MPPED2: variants seen among roughly 807,000 people sequenced by gnomAD.
MPPED2 encodes the protein metallophosphoesterase MPPED2.
MPPED2 carries 5 observed loss-of-function variants against 33.0 expected under a neutral mutation model. That is an observed-to-expected ratio of 0.15 (90% CI 0.08 to 0.32). The LOEUF is 0.32. Among genes scored for constraint, MPPED2 ranks in the 10% least tolerant of loss-of-function variants. The pLI, the probability that MPPED2 is intolerant of heterozygous loss-of-function variation, is 1.00. For synonymous variants in MPPED2, 136 were observed against 141.9 expected (o/e 0.96, Z 0.29); for missense variants, 275 against 372.1 (o/e 0.74, Z 2.15).
At chr11:30,551,893 A>C (rs1242362039) in intron 2 of MPPED2, among the ~76,000 whole-genome samples, 1 of 152,214 alleles carries the variant, frequency 6.6e-6, no homozygotes, top group African/African-American at 2.4e-5. Context: ...ATGAGAATGC[A>C]CTGAGCACGG....
intron 4 of MPPED2, among the ~76,000 whole-genome samples, chr11:30,459,533 A>T (rs1341322730): frequency 2.6e-5 from 4 of 152,350 alleles, no homozygotes; most frequent in African/African-American, 7.2e-5. Flanking sequence ...ACTTCACAAG[A>T]TGAAAGCCAT....
intron 4 of MPPED2, among the ~76,000 whole-genome samples, chr11:30,482,285 A>T (rs1951525895): frequency 6.6e-6 from 1 of 152,192 alleles, no homozygotes; most frequent in Non-Finnish European, 1.5e-5. Context: ...CCATCTGTAC[A>T]TTTTTGGTGA....
At position 30,536,154 on chromosome 11, in the gene MPPED2, G is replaced by C; in HGVS notation, c.150C>G (p.Asp50Glu). The change falls in exon 3 of 7, where the codon GAC becomes GAG. Residue 50 changes from aspartate (D) to glutamate (E), a missense_variant. Coordinates refer to ENST00000358117, the MANE Select transcript of MPPED2 (RefSeq NM_001584.3). Reference sequence around the variant, plus strand: ...GCGTGTGGCCCGCTGGTTTTGGAGTGTCATATGGGATGGGGTCGACCCTAA... The same window carrying C: ...GCGTGTGGCCCGCTGGTTTTGGAGTCTCATATGGGATGGGGTCGACCCTAA... ...HVHMVDPIPY[D>E]TPKPAGHTRF... 1 of 1,608,868 alleles carries C rather than the reference G, an allele frequency of 6.2e-7. No homozygotes were observed. The highest frequency in any genetic ancestry group is 8.5e-7 in the Non-Finnish European group (1 of 1,177,904).
chr11:30,551,730 A>T (rs1415390922), intron 2 of MPPED2, among the ~76,000 whole-genome samples: 5 of 152,218 alleles, frequency 3.3e-5, no homozygotes, highest in Non-Finnish European at 7.3e-5. Flanking sequence ...TGAGCATAGT[A>T]AGTTCTAGAG....
At chr11:30,481,358 A>G (rs1012057073) in intron 4 of MPPED2, among the ~76,000 whole-genome samples, 1 of 152,124 alleles carries the variant, frequency 6.6e-6, no homozygotes, top group Non-Finnish European at 1.5e-5. Context: ...GTCTTTTCAA[A>G]CAGTATTTTC....
intron 4 of MPPED2, among the ~76,000 whole-genome samples, chr11:30,492,737 G>T (rs369379263): frequency 2.0e-5 from 3 of 152,016 alleles, no homozygotes; most frequent in Admixed American, 6.5e-5. Flanking sequence ...GTATAAACTG[G>T]ATCTGAGGAT....
At chr11:30,506,262 C>T (rs1388959480) in intron 3 of MPPED2, among the ~76,000 whole-genome samples, 1 of 152,050 alleles carries the variant, frequency 6.6e-6, no homozygotes, top group African/African-American at 2.4e-5. Context: ...TGGTTTCAAA[C>T]TCCTGACCTC....
At chr11:30,546,157 C>T (rs1955415095) in intron 2 of MPPED2, among the ~76,000 whole-genome samples, 1 of 152,106 alleles carries the variant, frequency 6.6e-6, no homozygotes, top group Non-Finnish European at 1.5e-5. Context: ...TCAATTCAAC[C>T]CAAAGTTCGG....
chr11:30,556,335 T>C (rs946469448), intron 2 of MPPED2, among the ~76,000 whole-genome samples: 2 of 152,106 alleles, frequency 1.3e-5, no homozygotes, highest in African/African-American at 4.8e-5. Flanking sequence ...CTCCAAACAA[T>C]GAATTCCTCC....
chr11:30,448,965 T>C (rs1949933733), intron 4 of MPPED2, among the ~76,000 whole-genome samples: 1 of 152,316 alleles, frequency 6.6e-6, no homozygotes, highest in Admixed American at 6.5e-5. Context: ...CTCCCCACTA[T>C]TTTTAACCAC....
intron 3 of MPPED2, among the ~76,000 whole-genome samples, chr11:30,515,826 A>G (rs1953503164): frequency 6.6e-6 from 1 of 152,226 alleles, no homozygotes; most frequent in Non-Finnish European, 1.5e-5. Flanking sequence ...TAATGTGAAG[A>G]AAACTTTAAA....
In MPPED2 at chr11:30,441,696, C is replaced by T. The variant is rs183672704; in HGVS notation, c.537-24063G>A. Among the ~76,000 whole-genome samples the T allele has an allele frequency of 1.8e-3, 277 of 152,274 alleles. 1 individual carries two copies. Among genetic ancestry groups the T allele is most frequent in the African/African-American group, 6.3e-3 (263 of 41,556 alleles). On this transcript the variant is annotated intron_variant, in intron 4 of 6. Coordinates refer to ENST00000358117, the MANE Select transcript of MPPED2 (RefSeq NM_001584.3). ...AAAGTAGGAAACATTTCTAAAGCTT[C>T]GGCCTCAGCTTTTCCAGCATGACAG...
chr11:30,549,779 G>T (rs1955610920), intron 2 of MPPED2, among the ~76,000 whole-genome samples: 1 of 152,120 alleles, frequency 6.6e-6, no homozygotes, highest in Non-Finnish European at 1.5e-5. Flanking sequence ...TCCTCATGAA[G>T]AGGTGCACAC....
chr11:30,516,311 G>A (rs1186326439), intron 3 of MPPED2, among the ~76,000 whole-genome samples: 2 of 152,066 alleles, frequency 1.3e-5, no homozygotes, highest in Admixed American at 6.5e-5. Context: ...TCCAAGTCTC[G>A]TTATTATTAT....
chr11:30,402,230 G>A (rs1191015423), intron 6 of MPPED2, among the ~76,000 whole-genome samples: 1 of 152,132 alleles, frequency 6.6e-6, no homozygotes, highest in Non-Finnish European at 1.5e-5. Flanking sequence ...CAAATACTAC[G>A]AACAACTGCA....
intron 2 of MPPED2, among the ~76,000 whole-genome samples, chr11:30,536,536 C>T (rs1185349334): frequency 6.6e-6 from 1 of 152,132 alleles, no homozygotes; most frequent in South Asian, 2.1e-4. Context: ...TCATCATGCT[C>T]CAATTGATCC....
intron 2 of MPPED2, among the ~76,000 whole-genome samples, chr11:30,546,418 A>G (rs567648538): frequency 3.9e-4 from 60 of 152,236 alleles, no homozygotes; most frequent in Admixed American, 5.9e-4. Flanking sequence ...AACTGACTCT[A>G]CAAGATTTCT....
intron 2 of MPPED2, among the ~76,000 whole-genome samples, chr11:30,540,740 C>A (rs1433919155): frequency 4.6e-5 from 7 of 152,090 alleles, no homozygotes; most frequent in African/African-American, 1.7e-4. Flanking sequence ...CCTGCCTGTC[C>A]CTCCTTCTTA....
At chr11:30,407,279 G>A (rs917585574), downstream of MPPED2, among the ~76,000 whole-genome samples, 4 of 152,228 alleles carry the variant, frequency 2.6e-5, no homozygotes, top group East Asian at 7.7e-4. Flanking sequence ...GGATGGTGAG[G>A]TGGAGAGGAA....
Sources: allele counts gnomAD v4.1 joint callset (sites outside exome capture counted in the v4.1 genomes callset), GRCh38; gene constraint gnomAD v4.1.1; transcripts MANE v1.5; gene names NCBI Gene and HGNC (gene_info 2026-07-23, HGNC 2026-07-21).